AGBL4: variants seen among roughly 807,000 people sequenced by gnomAD.
AGBL4 encodes cytosolic carboxypeptidase 6.
In AGBL4, 58 loss-of-function variants were observed where a neutral mutation model predicts 66.4. The ratio of observed to expected loss-of-function variants is 0.87; its 90% CI spans 0.71 to 1.09. The LOEUF is 1.09. Ranked by LOEUF, AGBL4 falls within the 50% of genes least tolerant of loss-of-function variation. The pLI, the probability that AGBL4 is intolerant of heterozygous loss-of-function variation, is 0.00. For synonymous variants in AGBL4, 234 were observed against 222.9 expected, an observed-to-expected ratio of 1.05 and a Z score of -0.44; for missense variants, 579 against 631.0, an observed-to-expected ratio of 0.92 and a Z score of 0.88.
intron 2 of AGBL4, among the ~76,000 whole-genome samples, chr1:49,790,909 A>G (rs1012080821): frequency 9.9e-5 from 15 of 152,216 alleles, no homozygotes; most frequent in Non-Finnish European, 1.3e-4. Flanking sequence ...TTAATAGCCA[A>G]TTGACTGATA....
chr1:48,644,460 C>T (rs1046996060), intron 8 of AGBL4, among the ~76,000 whole-genome samples: 6 of 152,110 alleles, frequency 3.9e-5, no homozygotes, highest in Admixed American at 6.5e-5. Context: ...TTAAGGGCAG[C>T]GCGGGGGCCA....
chr1:48,960,792 G>A (rs1657901838), intron 5 of AGBL4, among the ~76,000 whole-genome samples: 1 of 152,174 alleles, frequency 6.6e-6, no homozygotes. Context: ...AAACCCATTA[G>A]CTGCTTCCTT....
intron 7 of AGBL4, among the ~76,000 whole-genome samples, chr1:48,658,562 C>T (rs753740606): frequency 4.6e-5 from 7 of 152,168 alleles, no homozygotes; most frequent in Non-Finnish European, 8.8e-5. Context: ...GAGTATAAGT[C>T]CTCACCCTCC....
At chr1:49,677,700 C>A (rs1472678042) in intron 3 of AGBL4, among the ~76,000 whole-genome samples, 2 of 152,064 alleles carry the variant, frequency 1.3e-5, no homozygotes, top group Non-Finnish European at 2.9e-5. Context: ...TTGAAGACCT[C>A]TCAATGTGAT....
intron 4 of AGBL4, among the ~76,000 whole-genome samples, chr1:49,211,587 T>C (rs1648673256): frequency 1.3e-5 from 2 of 152,176 alleles, no homozygotes; most frequent in South Asian, 2.1e-4. Context: ...GTTACTGTTG[T>C]TGTTTCAAGA....
At chr1:48,702,790 G>A (rs1320811859) in intron 6 of AGBL4, among the ~76,000 whole-genome samples, 2 of 152,164 alleles carry the variant, frequency 1.3e-5, no homozygotes, top group Non-Finnish European at 2.9e-5. Flanking sequence ...TCTGGGCAAG[G>A]AGGAAGTACA....
chr1:49,633,077 A>T (rs1276017286), intron 3 of AGBL4, among the ~76,000 whole-genome samples: 1 of 152,080 alleles, frequency 6.6e-6, no homozygotes, highest in Non-Finnish European at 1.5e-5. Context: ...CATCTCAAAA[A>T]ATAAATAAGT....
intron 3 of AGBL4, among the ~76,000 whole-genome samples, chr1:49,585,375 A>C (rs1313263552): frequency 6.6e-6 from 1 of 152,172 alleles, no homozygotes; most frequent in African/African-American, 2.4e-5. Context: ...AAACAGCTAT[A>C]TTGGAAAAGC....
At chr1:49,445,362 C>T (rs1451415284) in intron 3 of AGBL4, among the ~76,000 whole-genome samples, 3 of 152,174 alleles carry the variant, frequency 2.0e-5, no homozygotes, top group Non-Finnish European at 1.5e-5. Context: ...ATCCCTAAAT[C>T]TCCTGTATCT....
At chr1:48,727,978 T>A (rs1647438509) in intron 6 of AGBL4, 1 of 1,612,470 alleles carries the variant, frequency 6.2e-7, no homozygotes, top group African/African-American at 1.3e-5. Flanking sequence ...TTGTTGACTT[T>A]GGAGAGTCTC....
intron 3 of AGBL4, among the ~76,000 whole-genome samples, chr1:49,257,923 A>T (rs1401015237): frequency 6.6e-6 from 1 of 152,182 alleles, no homozygotes; most frequent in Non-Finnish European, 1.5e-5. Context: ...CAGTAGGGGC[A>T]GACTGACACC....
chr1:48,786,054 C>G (rs1645400636), intron 6 of AGBL4, among the ~76,000 whole-genome samples: 1 of 151,778 alleles, frequency 6.6e-6, no homozygotes, highest in Non-Finnish European at 1.5e-5. Flanking sequence ...CATTCTGAGT[C>G]AAAGGCATAA....
At chr1:49,846,200 C>A in intron 2 of AGBL4, 2 of 1,461,534 alleles carry the variant, frequency 1.4e-6, no homozygotes, top group African/African-American at 2.8e-5. Context: ...CAGCTCCTCA[C>A]TCAGCCAGCA....
At chr1:49,905,178 C>CA (rs1300647143) in intron 1 of AGBL4, among the ~76,000 whole-genome samples, 7 of 152,286 alleles carry the variant, frequency 4.6e-5, no homozygotes, top group Admixed American at 4.6e-4. Flanking sequence ...CCCTGCTTCA[C>CA]AAATGTTTCT....
chr1:48,973,240 T>C (rs1315268048), intron 5 of AGBL4, among the ~76,000 whole-genome samples: 1 of 152,164 alleles, frequency 6.6e-6, no homozygotes, highest in Non-Finnish European at 1.5e-5. Context: ...TGCCAAGCCA[T>C]CTATTTGAAT....
intron 6 of AGBL4, among the ~76,000 whole-genome samples, chr1:48,700,134 A>G (rs1032351670): frequency 1.3e-5 from 2 of 152,114 alleles, no homozygotes; most frequent in Non-Finnish European, 2.9e-5. Flanking sequence ...GCCTCCACCT[A>G]GAAGGTGCCC....
At chr1:48,768,961 C>CA (rs59957081) in intron 6 of AGBL4, among the ~76,000 whole-genome samples, 3 of 151,814 alleles carry the variant, frequency 2.0e-5, no homozygotes, top group African/African-American at 4.8e-5. Flanking sequence ...GCCAAGACTA[C>CA]AAAAAAAAGA....
chr1:48,597,484 G>A (rs558609063), intron 9 of AGBL4, among the ~76,000 whole-genome samples: 1 of 152,062 alleles, frequency 6.6e-6, no homozygotes, highest in East Asian at 1.9e-4. Flanking sequence ...TCTACTTTAG[G>A]TAGTGTGATC....
chr1:49,559,088 A>G (rs1643971646), intron 3 of AGBL4, among the ~76,000 whole-genome samples: 1 of 152,084 alleles, frequency 6.6e-6, no homozygotes, highest in South Asian at 2.1e-4. Flanking sequence ...AGCCTTTATG[A>G]ACATCGGAAG....
Sources: gnomAD v4.1 joint callset for allele counts (sites outside exome capture counted in the v4.1 genomes callset) on GRCh38, gnomAD v4.1.1 for gene constraint, MANE v1.5 for transcripts, NCBI Gene and HGNC (gene_info 2026-07-23, HGNC 2026-07-21) for gene names.